The following ZSCAN30 variants were observed in gnomAD, a reference collection of about 807,000 sequenced individuals.
ZSCAN30 encodes zinc finger and SCAN domain-containing protein 30.
Under a neutral mutation model 44.3 loss-of-function variants are expected in ZSCAN30, and 37 were observed. The observed-to-expected ratio is 0.84, with a 90% CI of 0.64 to 1.10. ZSCAN30 has a LOEUF of 1.10. Ranked by LOEUF, ZSCAN30 falls within the 50% of genes least tolerant of loss-of-function variation. ZSCAN30 has a pLI of 0.00. For missense variants in ZSCAN30, 549 were observed against 582.6 expected, an observed-to-expected ratio of 0.94 and a Z score of 0.59; for synonymous variants, 181 against 204.6, an observed-to-expected ratio of 0.88 and a Z score of 0.98.
intron 1 of ZSCAN30, among the ~76,000 whole-genome samples, chr18:35,265,565 T>C (rs1430706218): frequency 6.6e-6 from 1 of 152,090 alleles, no homozygotes; most frequent in Non-Finnish European, 1.5e-5. Context: ...TGATACTAAA[T>C]CAGAAATGAT....
intron 3 of ZSCAN30, chr18:35,261,880 G>A (rs1300797208): frequency 2.0e-5 from 3 of 152,090 alleles, no homozygotes; most frequent in East Asian, 1.9e-4. Flanking sequence ...TTCAAAACCC[G>A]TTTTAATGTA....
chr18:35,275,826 A>G (rs1843385288), intron 1 of ZSCAN30, among the ~76,000 whole-genome samples: 1 of 152,236 alleles, frequency 6.6e-6, no homozygotes, highest in Non-Finnish European at 1.5e-5. Context: ...GTTGGTCTGT[A>G]ATGACATTCT....
chr18:35,281,619 A>G (rs2044457640), intron 1 of ZSCAN30: 1 of 152,178 alleles, frequency 6.6e-6, no homozygotes, highest in South Asian at 2.1e-4. Context: ...ATGTTACCCA[A>G]CAATATTGTT....
At chr18:35,283,675 C>T (rs144649605) in intron 1 of ZSCAN30, 2 of 152,410 alleles carry the variant, frequency 1.3e-5, no homozygotes, top group African/African-American at 2.4e-5. Flanking sequence ...GGACTAAGTA[C>T]ACCACAGTGG....
chr18:35,254,901 C>T (rs893225870), intron 3 of ZSCAN30: 1 of 160,106 alleles, frequency 6.2e-6, no homozygotes, highest in Non-Finnish European at 1.4e-5. Context: ...AAGGCAATTT[C>T]AGATTCTGAT....
At chr18:35,263,431 G>A in intron 3 of ZSCAN30, 82 bp downstream of exon 3, 2 of 1,556,008 alleles carry the variant, frequency 1.3e-6, no homozygotes, top group South Asian at 1.1e-5. Flanking sequence ...GCCACAAGTG[G>A]CTGTCGTTAA....
intron 1 of ZSCAN30, chr18:35,289,272 C>T (rs1052584637): frequency 6.6e-6 from 1 of 152,090 alleles, no homozygotes; most frequent in African/African-American, 2.4e-5. Context: ...TGCGCCTGGC[C>T]AAAAAGAAAG....
chr18:35,264,069 T>C lies in ZSCAN30; in HGVS notation c.284A>G (p.Gln95Arg), dbSNP rs762125466. ...CTCCTCAGGAAGGATGGCCAGGAAC[T>C]GCTCCAACATCAGCAGCTCCAGGAT... ...EQILELLMLE[Q>R]FLAILPEELQ... is the part of the protein sequence containing the mutation. The change falls in exon 2 of 4, where the codon CAG becomes CGG. Residue 95 changes from glutamine (Q) to arginine (R), a missense_variant. Coordinates refer to ENST00000333206, the MANE Select transcript of ZSCAN30 (RefSeq NM_001112734.4). 3.1e-6 allele frequency: 5 copies of C among 1,614,100 alleles called. No homozygotes were observed. In the South Asian group the frequency reaches 5.5e-5, roughly 18 times the overall value.
chr18:35,264,120 C>G lies in ZSCAN30; in HGVS notation c.233G>C (p.Arg78Thr). The change falls in exon 2 of 4, where the codon AGG becomes ACG. Residue 78 changes from arginine (R) to threonine (T), a missense_variant. Coordinates refer to ENST00000333206, the MANE Select transcript of ZSCAN30 (RefSeq NM_001112734.4). ...RLRELCCQWL[R>T]PEVHSKEQIL... Reference sequence around the variant, plus strand: ...CTGCTCCTTGGAGTGCACCTCCGGCCTCAACCACTGACAGCAAAGCTCTCG... The same window carrying G: ...CTGCTCCTTGGAGTGCACCTCCGGCGTCAACCACTGACAGCAAAGCTCTCG... 1 of 1,614,092 alleles carries G rather than the reference C, an allele frequency of 6.2e-7. No homozygotes were observed. Among genetic ancestry groups the G allele is most frequent in the Non-Finnish European group, 8.5e-7 (1 of 1,179,964 alleles).
At chr18:35,287,328 A>G (rs2044569291) in intron 1 of ZSCAN30, among the ~76,000 whole-genome samples, 1 of 152,180 alleles carries the variant, frequency 6.6e-6, no homozygotes, top group African/African-American at 2.4e-5. Context: ...AGAAATTGAT[A>G]TGGAAATGCA....
intron 1 of ZSCAN30, among the ~76,000 whole-genome samples, chr18:35,278,589 G>A (rs551578824): frequency 1.3e-5 from 2 of 152,300 alleles, no homozygotes; most frequent in East Asian, 3.9e-4. Context: ...CAAAACGTTT[G>A]TCCCAGTGCT....
At chr18:35,263,815 G>T in intron 2 of ZSCAN30, 130 bp downstream of exon 2, 1 of 1,402,846 alleles carries the variant, frequency 7.1e-7, no homozygotes, top group Non-Finnish European at 9.7e-7. Context: ...AACCCAATGA[G>T]TGAATAATTA....
At chr18:35,287,558 C>CTG (rs1344019746) in intron 1 of ZSCAN30, among the ~76,000 whole-genome samples, 2 of 118,526 alleles carry the variant, frequency 1.7e-5, no homozygotes, top group Non-Finnish European at 3.4e-5. Flanking sequence ...TACAGAACAA[C>CTG]TGAATATCCA....
chr18:35,288,130 A>G (rs2044586009), intron 1 of ZSCAN30, among the ~76,000 whole-genome samples: 2 of 152,170 alleles, frequency 1.3e-5, no homozygotes, highest in African/African-American at 4.8e-5. Flanking sequence ...ACCTTGGCCT[A>G]CAAAAAGTGC....
At chr18:35,256,178 AT>A (rs1453568673) in intron 3 of ZSCAN30, 3 of 152,458 alleles carry the variant, frequency 2.0e-5, no homozygotes, top group African/African-American at 7.2e-5. Context: ...CAAGATTTTT[AT>A]TTGTTCAACT....
At chr18:35,270,879 T>C (rs8083327) in intron 1 of ZSCAN30, among the ~76,000 whole-genome samples, 119,100 of 152,188 alleles carry the variant, frequency 0.78, 48,240 homozygotes, top group Non-Finnish European at 0.89. Context: ...AGAGTTTCTT[T>C]CTTCTGATGG....
chr18:35,276,808 C>G (rs1737028571), intron 1 of ZSCAN30, among the ~76,000 whole-genome samples: 1 of 152,220 alleles, frequency 6.6e-6, no homozygotes, highest in South Asian at 2.1e-4. Flanking sequence ...CAACAGGGAA[C>G]TGCCTAGTGG....
At chr18:35,287,901 C>A (rs2044582055) in intron 1 of ZSCAN30, among the ~76,000 whole-genome samples, 1 of 146,562 alleles carries the variant, frequency 6.8e-6, no homozygotes, top group Non-Finnish European at 1.5e-5. Flanking sequence ...GCAACAGGGT[C>A]CTGCTCTGTT....
chr18:35,283,370 G>A (rs2044494442), intron 1 of ZSCAN30: 1 of 152,324 alleles, frequency 6.6e-6, no homozygotes, highest in Non-Finnish European at 1.5e-5. Flanking sequence ...CAGGATACTT[G>A]GGGTGTTGCT....
Sources: gnomAD v4.1 joint callset for allele counts (sites outside exome capture counted in the v4.1 genomes callset) on GRCh38, gnomAD v4.1.1 for gene constraint, MANE v1.5 for transcripts, NCBI Gene and HGNC (gene_info 2026-07-23, HGNC 2026-07-21) for gene names.